Variants in TRMT2B observed in about 807,000 individuals in gnomAD.
The protein encoded by TRMT2B is tRNA (uracil-5-)-methyltransferase homolog B.
Under a neutral mutation model 39.7 loss-of-function variants are expected in TRMT2B, and 34 were observed. The ratio of observed to expected loss-of-function variants is 0.86; its 90% CI spans 0.65 to 1.14. The LOEUF is 1.14. Among genes scored for constraint, TRMT2B ranks in the 50% most tolerant of loss-of-function variants. The probability of loss-of-function intolerance (pLI) is 0.00; values close to 1 mark genes in which losing one functional copy is unlikely to be tolerated. For missense variants in TRMT2B, 318 were observed against 377.2 expected (o/e 0.84, Z 1.30); for synonymous variants, 132 against 137.3 (o/e 0.96, Z 0.27).
At chrX:101,004,896 C>T (rs1184817581), downstream of TRMT2B, among the ~76,000 whole-genome samples, 1 of 111,516 alleles carries the variant, frequency 9.0e-6, no homozygotes, top group Non-Finnish European at 1.9e-5. Flanking sequence ...CATGAACACA[C>T]GTAAACAAAA....
At chrX:101,048,149 C>G (rs939895301) in intron 2 of TRMT2B, among the ~76,000 whole-genome samples, 100 of 100,956 alleles carry the variant, frequency 9.9e-4, no homozygotes, top group Non-Finnish European at 1.8e-3. Flanking sequence ...CACACACACA[C>G]ACAGAGAAAA....
chrX:101,018,959 G>A lies in TRMT2B; in HGVS notation c.1388+12C>T, dbSNP rs758525233. On this transcript the variant is annotated intron_variant, in intron 13 of 13. Transcript: ENST00000372936. ...TCAGAACAAAAAATTTTAAACAGAA[G>A]TCAAGACTTACTCAATGACATTCCT... 2 of 1,151,116 alleles carry A rather than the reference G, an allele frequency of 1.7e-6. No individual in the cohort carries two copies. The highest frequency in any genetic ancestry group is 1.2e-6 in the Non-Finnish European group (1 of 840,308). The allele number at this position is 1,151,116 out of a possible 1,213,427, so 94.9% of individuals were successfully genotyped here.
intron 7 of TRMT2B, among the ~76,000 whole-genome samples, chrX:101,030,513 C>T (rs1468156793): frequency 8.7e-5 from 8 of 91,682 alleles, no homozygotes; most frequent in South Asian, 5.2e-4. Flanking sequence ...TGCAGTGGCG[C>T]GAACTCGGCT....
chrX:100,976,000 C>T, the TRMT2B span, among the ~76,000 whole-genome samples: 1,199 of 111,659 alleles, frequency 0.011, 17 homozygotes, highest in African/African-American at 0.037. Context: ...ACATTTTAGC[C>T]AATGGGTTCA....
At chrX:101,046,840 C>T (rs899681155) in intron 2 of TRMT2B, among the ~76,000 whole-genome samples, 2 of 111,272 alleles carry the variant, frequency 1.8e-5, no homozygotes, top group Admixed American at 9.6e-5. Context: ...GCAGGAGAAT[C>T]GCTTGAACCC....
At chrX:101,012,690 C>T (rs1195793083) in intron 13 of TRMT2B, among the ~76,000 whole-genome samples, 1 of 110,791 alleles carries the variant, frequency 9.0e-6, no homozygotes, top group Non-Finnish European at 1.9e-5. Context: ...GACTTGGAAC[C>T]AACCCAAATG....
intron 7 of TRMT2B, among the ~76,000 whole-genome samples, chrX:101,025,354 C>T (rs1243802700): frequency 5.4e-5 from 6 of 111,279 alleles, no homozygotes; most frequent in African/African-American, 2.0e-4. Context: ...CTGGTATATA[C>T]AAGTCAAATG....
chrX:101,033,843 CTTTT>C (rs770967318), intron 7 of TRMT2B, among the ~76,000 whole-genome samples: 1 of 96,548 alleles, frequency 1.0e-5, no homozygotes. Flanking sequence ...TTAACATTTC[CTTTT>C]TTTTTTTTTT....
chrX:100,982,397 T>A, the TRMT2B span, among the ~76,000 whole-genome samples: 3 of 109,891 alleles, frequency 2.7e-5, no homozygotes, highest in African/African-American at 1.0e-4. Context: ...CAGGCTGAGG[T>A]AGGAGAATTG....
intron 7 of TRMT2B, among the ~76,000 whole-genome samples, chrX:101,030,587 A>C (rs1452749581): frequency 9.3e-6 from 1 of 107,856 alleles, no homozygotes; most frequent in Admixed American, 1.0e-4. Context: ...ATCTGGGACT[A>C]TAGGTGCCTG....
In TRMT2B at chrX:101,051,868, G is replaced by T. The variant is rs1408795331; in HGVS notation, c.-558C>A. On this transcript the variant is annotated 5_prime_UTR_variant, in exon 1 of 14. Transcript: ENST00000372936. ...GGATGGCCTGGTTTGCTGCGGCGGG[G>T]AAACAGTCACTTCCTGGTGCGCAAG... 8.6e-6 allele frequency: 2 copies of T among 232,305 alleles called. No individual in the cohort carries two copies. The highest frequency in any genetic ancestry group is 3.0e-5 in the African/African-American group (1 of 33,467). 19.1% of individuals were successfully genotyped at this position (232,305 alleles called of 1,213,427 possible). A position where few individuals can be genotyped will look rare whatever the true frequency, so the allele number is the denominator to read the frequency against.
At chrX:101,033,603 T>TAAAG (rs1050441574) in intron 7 of TRMT2B, among the ~76,000 whole-genome samples, 6 of 105,946 alleles carry the variant, frequency 5.7e-5, no homozygotes, top group Admixed American at 5.2e-4. Context: ...CACAAAAAAA[T>TAAAG]AAAGAAAGAA....
intron 13 of TRMT2B, among the ~76,000 whole-genome samples, chrX:101,011,579 C>T (rs1005176784): frequency 2.7e-5 from 3 of 110,656 alleles, no homozygotes; most frequent in African/African-American, 9.9e-5. Flanking sequence ...GAGACTCTGT[C>T]GTTACCAAAA....
chrX:101,008,353 T>C (rs1457358398), downstream of TRMT2B, among the ~76,000 whole-genome samples: 1 of 112,139 alleles, frequency 8.9e-6, no homozygotes, highest in Non-Finnish European at 1.9e-5. Flanking sequence ...GGAAAAAATT[T>C]ATGCAACTAC....
intron 7 of TRMT2B, among the ~76,000 whole-genome samples, chrX:101,029,003 T>C (rs974419585): frequency 8.9e-6 from 1 of 111,780 alleles, no homozygotes; most frequent in Non-Finnish European, 1.9e-5. Context: ...CTTTTCTTCA[T>C]AAATTACCCA....
downstream of TRMT2B, among the ~76,000 whole-genome samples, chrX:101,008,944 C>G (rs137937193): frequency 4.6e-3 from 512 of 111,565 alleles, 2 homozygotes; most frequent in African/African-American, 0.015. Flanking sequence ...CCTCTTCTGT[C>G]TTCTGCCTCC....
intron 13 of TRMT2B, among the ~76,000 whole-genome samples, chrX:101,010,966 GT>G (rs1184318040): frequency 9.0e-6 from 1 of 111,711 alleles, no homozygotes; most frequent in East Asian, 2.8e-4. Flanking sequence ...CAGAATAAGG[GT>G]TCAATACATA....
At chrX:100,988,486 A>T in the TRMT2B span, 3 of 1,182,486 alleles carry the variant, frequency 2.5e-6, no homozygotes, top group Non-Finnish European at 3.4e-6. Context: ...TCAGAATACT[A>T]CGAAGCTTTG....
At chrX:100,998,695 T>G in the TRMT2B span, among the ~76,000 whole-genome samples, 1 of 111,664 alleles carries the variant, frequency 9.0e-6, no homozygotes, top group Non-Finnish European at 1.9e-5. Context: ...TTATCCTTAT[T>G]TTACATGGAG....
Sources: gnomAD v4.1 joint callset for allele counts (sites outside exome capture counted in the v4.1 genomes callset) on GRCh38, gnomAD v4.1.1 for gene constraint, MANE v1.5 for transcripts, NCBI Gene and HGNC (gene_info 2026-07-23, HGNC 2026-07-21) for gene names.